Variants in FAM98B observed in about 807,000 individuals in gnomAD.
FAM98B encodes tRNA-splicing ligase complex subunit FAM98B.
In FAM98B, 32 loss-of-function variants were observed where a neutral mutation model predicts 43.9. That is an observed-to-expected ratio of 0.73 (90% CI 0.55 to 0.98). The LOEUF (loss-of-function observed/expected upper bound fraction) is 0.98, where lower values mean the gene tolerates loss of function less well. FAM98B is among the 50% of genes least tolerant of loss of function. The pLI, the probability that FAM98B is intolerant of heterozygous loss-of-function variation, is 0.00. For synonymous variants in FAM98B, 190 were observed against 174.0 expected (o/e 1.09, Z -0.72); for missense variants, 514 against 522.9 (o/e 0.98, Z 0.17).
intron 6 of FAM98B, among the ~76,000 whole-genome samples, chr15:38,479,323 T>C (rs1890251917): frequency 6.6e-6 from 1 of 152,194 alleles, no homozygotes; most frequent in Admixed American, 6.5e-5. Context: ...TTCACTGTGT[T>C]GTGTAACCCT....
At chr15:38,475,980 A>C (rs1226021363) in intron 6 of FAM98B, among the ~76,000 whole-genome samples, 3 of 152,026 alleles carry the variant, frequency 2.0e-5, no homozygotes, top group Non-Finnish European at 4.4e-5. Context: ...TGCTGTTTGC[A>C]TGGCTATCCT....
intron 6 of FAM98B, among the ~76,000 whole-genome samples, chr15:38,475,583 TTC>T (rs377320547): frequency 1.3e-5 from 2 of 151,298 alleles, no homozygotes; most frequent in Admixed American, 6.6e-5. Context: ...CTTCCAGCCT[TTC>T]TCTCTCTCTC....
intron 1 of FAM98B, among the ~76,000 whole-genome samples, chr15:38,462,948 G>T (rs190065836): frequency 1.3e-5 from 2 of 152,246 alleles, no homozygotes; most frequent in East Asian, 1.9e-4. Flanking sequence ...CAAAGGGCTC[G>T]ACTGGCCTAC....
chr15:38,466,036 C>G (rs1890026111), intron 3 of FAM98B, among the ~76,000 whole-genome samples: 1 of 152,098 alleles, frequency 6.6e-6, no homozygotes, highest in Non-Finnish European at 1.5e-5. Flanking sequence ...GTTCTACAAA[C>G]AATGACTATT....
At chr15:38,481,847 C>G in intron 7 of FAM98B, 2 of 349,364 alleles carry the variant, frequency 5.7e-6, no homozygotes, top group South Asian at 7.3e-5. Flanking sequence ...TCAGACCAAT[C>G]TGGGTTCCCA....
chr15:38,482,965 G>C (rs1038638962), intron 7 of FAM98B: 1 of 152,178 alleles, frequency 6.6e-6, no homozygotes, highest in African/African-American at 2.4e-5. Flanking sequence ...ATCACTGAAA[G>C]TAAGTGAGCT....
intron 4 of FAM98B, among the ~76,000 whole-genome samples, chr15:38,471,843 T>C (rs921047103): frequency 1.3e-5 from 2 of 152,168 alleles, no homozygotes; most frequent in African/African-American, 4.8e-5. Flanking sequence ...ATAGCAAATA[T>C]ATAGCATTCA....
At chr15:38,477,118 C>T (rs1053050875) in intron 6 of FAM98B, among the ~76,000 whole-genome samples, 2 of 151,490 alleles carry the variant, frequency 1.3e-5, no homozygotes, top group South Asian at 2.1e-4. Flanking sequence ...ATCAACATAG[C>T]GAGTCACAGT....
At chr15:38,484,058 C>T (rs1019840509) in intron 7 of FAM98B, among the ~76,000 whole-genome samples, 197 bp from the exon 8 acceptor site, 8 of 151,918 alleles carry the variant, frequency 5.3e-5, no homozygotes, top group African/African-American at 1.4e-4. Context: ...TCTGTCTAGC[C>T]GTGATTTTGT....
chr15:38,469,121 G>GTCTTAAGC (rs1219695918), intron 3 of FAM98B, among the ~76,000 whole-genome samples: 12 of 152,202 alleles, frequency 7.9e-5, no homozygotes, highest in Non-Finnish European at 1.5e-4. Context: ...GGCCAAGCTG[G>GTCTTAAGC]TCTTAAGCTT....
chr15:38,469,508 G>C (rs1890091194), intron 3 of FAM98B, among the ~76,000 whole-genome samples: 1 of 151,946 alleles, frequency 6.6e-6, no homozygotes, highest in African/African-American at 2.4e-5. Context: ...TTTGGTGGTG[G>C]GTCTCAACTA....
Position 38,484,364 on chromosome 15 carries a change from G to C in FAM98B, c.1007G>C (p.Gly336Ala). 1 of 1,528,010 alleles carries C rather than the reference G, an allele frequency of 6.5e-7. No homozygotes were observed. Among genetic ancestry groups the C allele is most frequent in the Non-Finnish European group, 8.8e-7 (1 of 1,139,128 alleles). 94.7% of individuals were successfully genotyped at this position (1,528,010 alleles called of 1,614,324 possible). Residue 336 changes from glycine (G) to alanine (A), a missense_variant, in exon 8 of 8, where the codon GGT becomes GCT. Gly to Ala is a moderately conservative substitution (Grantham distance 60). This residue lies in a region of FAM98B where 469 missense variants were observed against 451.8 expected (regional missense o/e 1.04). Transcript: ENST00000397609. ...QKRQEGGGGR[G>A]GWGGGGGGGG... ...AGACAAGAAGGCGGCGGTGGAAGGG[G>C]TGGTTGGGGTGGTGGTGGTGGAGGT... is the stretch of plus-strand genomic sequence containing the variant.
At chr15:38,456,692 G>T (rs961570315) in intron 1 of FAM98B, among the ~76,000 whole-genome samples, 1 of 152,242 alleles carries the variant, frequency 6.6e-6, no homozygotes, top group African/African-American at 2.4e-5. Context: ...AGTGACATTT[G>T]AGTTGAAATA....
intron 3 of FAM98B, among the ~76,000 whole-genome samples, chr15:38,466,583 G>T (rs1385234929): frequency 6.6e-6 from 1 of 152,080 alleles, no homozygotes; most frequent in Non-Finnish European, 1.5e-5. Context: ...GAAATATATA[G>T]TTTTTTTCTG....
intron 1 of FAM98B, among the ~76,000 whole-genome samples, chr15:38,454,703 T>G (rs1889820804): frequency 6.6e-6 from 1 of 152,202 alleles, no homozygotes; most frequent in East Asian, 1.9e-4. Context: ...GAAAGTGTTG[T>G]AGTTCATTGC....
intron 1 of FAM98B, 98 bp from the exon 2 acceptor site, chr15:38,463,934 A>G: frequency 2.6e-6 from 3 of 1,168,566 alleles, no homozygotes; most frequent in Non-Finnish European, 3.5e-6. Context: ...ATAACATTTT[A>G]TTTACAAAAA....
chr15:38,475,693 T>TA (rs1424988116), intron 6 of FAM98B, among the ~76,000 whole-genome samples: 2 of 152,170 alleles, frequency 1.3e-5, no homozygotes, highest in African/African-American at 4.8e-5. Flanking sequence ...TAATACAGAA[T>TA]AACCTCTCCA....
At chr15:38,478,767 T>C (rs1890242609) in intron 6 of FAM98B, among the ~76,000 whole-genome samples, 1 of 152,346 alleles carries the variant, frequency 6.6e-6, no homozygotes, top group South Asian at 2.1e-4. Flanking sequence ...TATAGTCATT[T>C]ATTAGAAAGG....
At chr15:38,467,330 G>C (rs1328830697) in intron 3 of FAM98B, among the ~76,000 whole-genome samples, 1 of 152,146 alleles carries the variant, frequency 6.6e-6, no homozygotes, top group Non-Finnish European at 1.5e-5. Flanking sequence ...TATGTAAAGA[G>C]CTTTTATAAA....
Sources: allele counts gnomAD v4.1 joint callset (sites outside exome capture counted in the v4.1 genomes callset), GRCh38; gene constraint gnomAD v4.1.1; regional missense constraint gnomAD v4.1.1; transcripts MANE v1.5; gene names NCBI Gene and HGNC (gene_info 2026-07-23, HGNC 2026-07-21).